CDC42EP5: variants seen among roughly 807,000 people sequenced by gnomAD.
CDC42EP5 encodes CDC42 effector protein 5, also known as CDC42 effector protein (Rho GTPase binding) 5.
For missense variants in CDC42EP5, 269 were observed against 238.0 expected, an observed-to-expected ratio of 1.13 and a Z score of -0.86; for synonymous variants, 118 against 123.3, an observed-to-expected ratio of 0.96 and a Z score of 0.28.
Position 54,465,475 on chromosome 19 carries a change from C to T in CDC42EP5, c.73G>A (p.Ala25Thr), listed in dbSNP as rs2084741383. The T allele has an allele frequency of 1.3e-6, 2 of 1,527,272 alleles. No individual in the cohort carries two copies. Among genetic ancestry groups the T allele is most frequent in the African/African-American group, 1.4e-5 (1 of 69,824 alleles). The allele number at this position is 1,527,272 out of a possible 1,614,324, so 94.6% of individuals were successfully genotyped here. ...GTGTGCCGGAAGTCGCCGAGCGGCGCGGAGATGGACAGGGCGCCGCGATCA... is the reference window on the plus strand; with the variant it reads ...GTGTGCCGGAAGTCGCCGAGCGGCGTGGAGATGGACAGGGCGCCGCGATCA... ...RPDRGALSIS[A>T]PLGDFRHTLH... Residue 25 changes from alanine to threonine, a missense_variant, in exon 3 of 3, where the codon GCG (alanine) becomes ACG (threonine). Coordinates refer to ENST00000301200, the MANE Select transcript of CDC42EP5 (RefSeq NM_145057.4).
rs972663624 is a variant in CDC42EP5, at chr19:54,471,590, G to C, written c.-46C>G. 6.6e-6 allele frequency: 1 copy of C among 152,132 alleles called. No homozygotes were observed. The highest frequency in any genetic ancestry group is 2.4e-5 in the African/African-American group (1 of 41,418). The allele number at this position is 152,132 out of a possible 1,614,324, so 9.4% of individuals were successfully genotyped here. A position where few individuals can be genotyped will look rare whatever the true frequency, so the allele number is the denominator to read the frequency against. On this transcript the variant is annotated 5_prime_UTR_variant, in exon 2 of 3. Transcript: ENST00000301200. ...GGGCGGGCGCGCGCTCACGACTCCA[G>C]CTCTAGCCCGGACCCCTGGTTCCCT...
intron 2 of CDC42EP5, among the ~76,000 whole-genome samples, chr19:54,467,518 G>A (rs967784909): frequency 2.0e-5 from 3 of 151,198 alleles, no homozygotes; most frequent in African/African-American, 7.3e-5. Flanking sequence ...GAAGCTGGCA[G>A]CATCTGCATT....
chr19:54,467,671 C>T (rs1006325847), intron 2 of CDC42EP5, among the ~76,000 whole-genome samples: 11 of 150,292 alleles, frequency 7.3e-5, no homozygotes, highest in Admixed American at 2.0e-4. Context: ...TACAGGTGTG[C>T]GCTGCCATGC....
At position 54,467,286 on chromosome 19, in the gene CDC42EP5, T is replaced by TAAA. The variant is rs111920581; in HGVS notation, c.1-1742_1-1740dup. On this transcript the variant is annotated intron_variant, in intron 2 of 2. Transcript: ENST00000301200. ...CAACATGGTGAAACTCCATCTCTAC[T>TAAA]AAAAAAAAAATACAAAATTAGCTGG... Among the ~76,000 whole-genome samples, 342 of 145,280 alleles carry TAAA rather than the reference T, an allele frequency of 2.4e-3. 2 individuals carry two copies. Among genetic ancestry groups the TAAA allele is most frequent in the East Asian group, 3.4e-3 (16 of 4,676 alleles).
chr19:54,468,687 G>A (rs2084787227), intron 2 of CDC42EP5, among the ~76,000 whole-genome samples: 1 of 151,624 alleles, frequency 6.6e-6, no homozygotes, highest in Admixed American at 6.6e-5. Flanking sequence ...GGGACTACAG[G>A]CTCATGCTAC....
chr19:54,465,827 G>A (rs192763578), intron 2 of CDC42EP5, among the ~76,000 whole-genome samples: 1 of 151,984 alleles, frequency 6.6e-6, no homozygotes, highest in African/African-American at 2.4e-5. Flanking sequence ...TAGAGACGGG[G>A]TTTCACAATG....
rs2084812836 is a variant in CDC42EP5, at chr19:54,469,950, T to G, written c.-1+1595A>C. 2.0e-5 allele frequency among the ~76,000 whole-genome samples: 3 copies of G among 152,244 alleles called. No individual in the cohort carries two copies. In the South Asian group the frequency reaches 6.2e-4, roughly 32 times the overall value. Reference sequence around the variant, plus strand: ...ACTTTTCAGCACCTGGCAACACACATAAAGTCTTGGTTTCTGACATCACAC... The same window carrying G: ...ACTTTTCAGCACCTGGCAACACACAGAAAGTCTTGGTTTCTGACATCACAC... On this transcript the variant is annotated intron_variant, in intron 2 of 2. Coordinates refer to ENST00000301200, the MANE Select transcript of CDC42EP5 (RefSeq NM_145057.4).
chr19:54,472,093 A>C (rs1191605961), intron 1 of CDC42EP5, among the ~76,000 whole-genome samples: 1 of 2,178 alleles, frequency 4.6e-4, no homozygotes. Context: ...AGGAGTCCAG[A>C]CCCCCAGCCC....
chr19:54,469,064 G>A (rs187466656), intron 2 of CDC42EP5, among the ~76,000 whole-genome samples: 12 of 151,142 alleles, frequency 7.9e-5, no homozygotes, highest in Admixed American at 5.3e-4. Context: ...GCGCGATCTC[G>A]GCTCACTGCA....
intron 2 of CDC42EP5, among the ~76,000 whole-genome samples, chr19:54,469,243 C>T (rs1243748922): frequency 6.6e-6 from 1 of 152,036 alleles, no homozygotes; most frequent in African/African-American, 2.4e-5. Context: ...ATCTGCCCAC[C>T]TCGGCCTCCC....
At chr19:54,468,492 C>T (rs1013753156) in intron 2 of CDC42EP5, among the ~76,000 whole-genome samples, 2 of 152,062 alleles carry the variant, frequency 1.3e-5, no homozygotes, top group Non-Finnish European at 2.9e-5. Flanking sequence ...CGTTACCTAG[C>T]ACACAATCTC....
intron 2 of CDC42EP5, among the ~76,000 whole-genome samples, chr19:54,468,888 A>ATTCATTCCTTCCTTCCTTCCTTCC (rs1331627657): frequency 6.0e-4 from 70 of 116,378 alleles, no homozygotes; most frequent in African/African-American, 1.9e-3. Context: ...AGATACTCTG[A>ATTCATTCCTTCCTTCCTTCCTTCC]TTCCTTCCTT....
intron 1 of CDC42EP5, among the ~76,000 whole-genome samples, 179 bp from the exon 2 acceptor site, chr19:54,471,864 G>T (rs1178210191): frequency 1.4e-5 from 2 of 144,922 alleles, no homozygotes; most frequent in African/African-American, 5.3e-5. Context: ...AGACCCAGGG[G>T]TCAAGACCCC....
rs1888993823 is a variant in CDC42EP5, at chr19:54,465,307, C to T, written c.241G>A (p.Ala81Thr). The T allele has an allele frequency of 2.5e-6, 3 of 1,221,814 alleles. No individual in the cohort carries two copies. Among genetic ancestry groups the T allele is most frequent in the Non-Finnish European group, 3.1e-6 (3 of 980,574 alleles). The allele number at this position is 1,221,814 out of a possible 1,614,324, so 75.7% of individuals were successfully genotyped here. Reference protein sequence around the residue: ...PPPPAVPQSAAPSPADPLLSF... With the variant: ...PPPPAVPQSATPSPADPLLSF... ...AGCAGCGGGTCGGCAGGCGAGGGCG[C>T]TGCGGACTGCGGGACGGCGGGCGGC... Residue 81 changes from alanine (A) to threonine (T), a missense_variant, in exon 3 of 3, where the codon GCG becomes ACG. Coordinates refer to ENST00000301200, the MANE Select transcript of CDC42EP5 (RefSeq NM_145057.4).
intron 2 of CDC42EP5, among the ~76,000 whole-genome samples, chr19:54,465,950 G>A (rs535590006): frequency 2.0e-5 from 3 of 151,544 alleles, no homozygotes; most frequent in Admixed American, 2.0e-4. Flanking sequence ...TTTCACAGAT[G>A]GGGTAAGATG....
chr19:54,467,486 A>T (rs893982302), intron 2 of CDC42EP5, among the ~76,000 whole-genome samples: 1 of 151,874 alleles, frequency 6.6e-6, no homozygotes, highest in African/African-American at 2.4e-5. Context: ...GTTAAAAAAA[A>T]TGGGAAGAAT....
At chr19:54,471,273 G>A (rs1047109642) in intron 2 of CDC42EP5, among the ~76,000 whole-genome samples, 3 of 152,082 alleles carry the variant, frequency 2.0e-5, no homozygotes, top group Non-Finnish European at 2.9e-5. Flanking sequence ...TCCAGCTGCA[G>A]GGTGGCGGGC....
chr19:54,471,753 C>T, intron 1 of CDC42EP5, 68 bp from the exon 2 acceptor site: 1 of 156,066 alleles, frequency 6.4e-6, no homozygotes, highest in Non-Finnish European at 1.4e-5. Flanking sequence ...GTCCGTAGAG[C>T]CACCTCCTCC....
In CDC42EP5 at chr19:54,465,213, G is replaced by C. The variant is rs900555632; in HGVS notation, c.335C>G (p.Pro112Arg). ...GTCGGGCTTGGCGGCAGCCGCCTCC[G>C]GGCGCGCCGCGTCCATGACGCCCAG... ...AVLGVMDAAR[P>R]EAAAAKPDAE... The change falls in exon 3 of 3, where the codon CCG becomes CGG. Residue 112 changes from proline (P) to arginine (R), a missense_variant. Transcript: ENST00000301200. The C allele has an allele frequency of 1.1e-5, 16 of 1,440,266 alleles. No individual in the cohort carries two copies. Among genetic ancestry groups the C allele is most frequent in the Non-Finnish European group, 1.5e-5 (16 of 1,100,864 alleles). 89.2% of individuals were successfully genotyped at this position (1,440,266 alleles called of 1,614,324 possible).
Sources: gnomAD v4.1 joint callset for allele counts (sites outside exome capture counted in the v4.1 genomes callset) on GRCh38, gnomAD v4.1.1 for gene constraint, MANE v1.5 for transcripts, NCBI Gene and HGNC (gene_info 2026-07-23, HGNC 2026-07-21) for gene names.